SEZ6L: variants seen among roughly 807,000 people sequenced by gnomAD.
SEZ6L encodes the protein seizure 6-like protein.
A neutral mutation model predicts 106.2 loss-of-function variants in SEZ6L; 37 were observed. The observed-to-expected ratio is 0.35, with a 90% CI of 0.27 to 0.46. The LOEUF (loss-of-function observed/expected upper bound fraction) is 0.46. SEZ6L is among the 20% of genes least tolerant of loss of function. SEZ6L has a pLI of 1.00. For missense variants in SEZ6L, 1,172 were observed against 1,332.8 expected (o/e 0.88, Z 1.88); for synonymous variants, 541 against 570.4 (o/e 0.95, Z 0.73).
intron 1 of SEZ6L, among the ~76,000 whole-genome samples, chr22:26,281,496 T>TCCCGAGTAGCTGGGAATACAGGCG: frequency 6.7e-6 from 1 of 149,528 alleles, no homozygotes; most frequent in Admixed American, 6.7e-5. Context: ...TGCCTCAACC[T>TCCCGAGTAGCTGGGAATACAGGCG]CCCGAGTAGC....
intron 1 of SEZ6L, among the ~76,000 whole-genome samples, chr22:26,264,755 G>T (rs555902719): frequency 1.7e-4 from 26 of 152,298 alleles, no homozygotes; most frequent in African/African-American, 5.8e-4. Context: ...AAAACAGGAG[G>T]AAAGCCAAAT....
At chr22:26,343,054 T>C (rs1323780747) in intron 10 of SEZ6L, among the ~76,000 whole-genome samples, 1 of 152,180 alleles carries the variant, frequency 6.6e-6, no homozygotes, top group Non-Finnish European at 1.5e-5. Flanking sequence ...CTGCTAAATA[T>C]TTTCAGAGTG....
At chr22:26,190,612 T>A (rs1240734509) in intron 1 of SEZ6L, among the ~76,000 whole-genome samples, 1 of 152,166 alleles carries the variant, frequency 6.6e-6, no homozygotes, top group South Asian at 2.1e-4. Flanking sequence ...ATTAAGTCTA[T>A]AGTTGGCCTT....
At chr22:26,283,533 G>A (rs2080840040) in intron 1 of SEZ6L, among the ~76,000 whole-genome samples, 1 of 152,090 alleles carries the variant, frequency 6.6e-6, no homozygotes, top group Non-Finnish European at 1.5e-5. Context: ...TATCAACATG[G>A]ATGAATTCTA....
chr22:26,214,225 C>T (rs1463902863), intron 1 of SEZ6L, among the ~76,000 whole-genome samples: 3 of 152,234 alleles, frequency 2.0e-5, no homozygotes. Context: ...TTAAACCTAG[C>T]TGTGTGTCCT....
At chr22:26,191,136 T>G (rs931103612) in intron 1 of SEZ6L, among the ~76,000 whole-genome samples, 1 of 152,208 alleles carries the variant, frequency 6.6e-6, no homozygotes, top group African/African-American at 2.4e-5. Flanking sequence ...GCCAGGTCTC[T>G]CTAAGAGGCA....
intron 1 of SEZ6L, among the ~76,000 whole-genome samples, chr22:26,202,925 C>G (rs79098610): frequency 1.4e-3 from 215 of 152,304 alleles, no homozygotes; most frequent in African/African-American, 4.7e-3. Context: ...ATTTAGAGAG[C>G]ACTATTTAGT....
intron 1 of SEZ6L, among the ~76,000 whole-genome samples, chr22:26,238,470 C>T (rs924467065): frequency 3.3e-5 from 5 of 152,206 alleles, no homozygotes; most frequent in South Asian, 2.1e-4. Context: ...TTGATTAGCA[C>T]CTGTGTTGAG....
chr22:26,208,180 G>T (rs1172199589), intron 1 of SEZ6L, among the ~76,000 whole-genome samples: 1 of 152,084 alleles, frequency 6.6e-6, no homozygotes, highest in Non-Finnish European at 1.5e-5. Context: ...CTCCCAAAGT[G>T]CTGGGATTAC....
intron 9 of SEZ6L, among the ~76,000 whole-genome samples, chr22:26,316,219 T>C (rs1430382817): frequency 6.6e-6 from 1 of 152,214 alleles, no homozygotes; most frequent in Non-Finnish European, 1.5e-5. Flanking sequence ...CTGGAAAGGT[T>C]CTAATGGTTG....
chr22:26,382,152 C>T lies in SEZ6L; in HGVS notation c.*1857C>T. 2.2e-6 allele frequency: 1 copy of T among 453,744 alleles called. No individual in the cohort carries two copies. The highest frequency in any genetic ancestry group is 1.7e-5 in the South Asian group (1 of 59,602). 28.1% of individuals were successfully genotyped at this position (453,744 alleles called of 1,614,324 possible). Reference sequence around the variant, plus strand: ...GTCCATGGCAAGAAATAGCTAAAGGCTGCTTTCCAGGACCCAAAGCCCCAT... The same window carrying T: ...GTCCATGGCAAGAAATAGCTAAAGGTTGCTTTCCAGGACCCAAAGCCCCAT... On this transcript the variant is annotated 3_prime_UTR_variant, in exon 17 of 17. Transcript: ENST00000248933.
chr22:26,308,115 G>A (rs1257717537), intron 6 of SEZ6L, among the ~76,000 whole-genome samples: 1 of 152,202 alleles, frequency 6.6e-6, no homozygotes, highest in Non-Finnish European at 1.5e-5. Flanking sequence ...TCTGTCCCAT[G>A]TACTTTATTG....
At chr22:26,251,440 G>A (rs1045637298) in intron 1 of SEZ6L, among the ~76,000 whole-genome samples, 2 of 151,974 alleles carry the variant, frequency 1.3e-5, no homozygotes, top group Admixed American at 6.6e-5. Flanking sequence ...ATTCTTTTGG[G>A]GTAGTGTATC....
At chr22:26,222,212 T>C (rs1295381512) in intron 1 of SEZ6L, among the ~76,000 whole-genome samples, 1 of 152,204 alleles carries the variant, frequency 6.6e-6, no homozygotes, top group Non-Finnish European at 1.5e-5. Flanking sequence ...TGGTGCATGC[T>C]CAGGGAACTG....
chr22:26,315,215 C>T lies in SEZ6L; in HGVS notation c.2015+1313C>T, dbSNP rs570711612. Among the ~76,000 whole-genome samples, 31 of 152,334 alleles carry T rather than the reference C, an allele frequency of 2.0e-4. 1 individual carries two copies. Among genetic ancestry groups the T allele is most frequent in the Admixed American group, 2.0e-3 (30 of 15,306 alleles). ...TGTCCTTAGTCTGGGTGCGGTGGCT[C>T]ATGCCTACAACCCCAACACTTCGGG... On this transcript the variant is annotated intron_variant, in intron 9 of 16. Coordinates refer to ENST00000248933, the MANE Select transcript of SEZ6L (RefSeq NM_021115.5).
intron 1 of SEZ6L, among the ~76,000 whole-genome samples, chr22:26,177,159 T>G (rs1939065677): frequency 6.6e-6 from 1 of 152,202 alleles, no homozygotes; most frequent in Non-Finnish European, 1.5e-5. Context: ...TCCTATCCTG[T>G]GTGGTCTTAG....
intron 1 of SEZ6L, among the ~76,000 whole-genome samples, chr22:26,183,155 T>A (rs1468477350): frequency 6.6e-6 from 1 of 152,240 alleles, no homozygotes; most frequent in Non-Finnish European, 1.5e-5. Flanking sequence ...CATTTGATTA[T>A]ACATAAAGAA....
intron 1 of SEZ6L, among the ~76,000 whole-genome samples, chr22:26,288,315 C>T (rs1032459323): frequency 6.6e-6 from 1 of 152,148 alleles, no homozygotes; most frequent in Non-Finnish European, 1.5e-5. Context: ...TAAAAGTCAC[C>T]AGAGGAGTTT....
intron 1 of SEZ6L, among the ~76,000 whole-genome samples, chr22:26,246,104 G>A (rs1017900223): frequency 1.3e-5 from 2 of 152,194 alleles, no homozygotes; most frequent in African/African-American, 4.8e-5. Flanking sequence ...TATTAGGCGA[G>A]GTAGTCCTTA....
Sources: allele counts gnomAD v4.1 joint callset (sites outside exome capture counted in the v4.1 genomes callset), GRCh38; gene constraint gnomAD v4.1.1; transcripts MANE v1.5; gene names NCBI Gene and HGNC (gene_info 2026-07-23, HGNC 2026-07-21).